The following ANKS1B variants were observed in gnomAD, a reference collection of about 807,000 sequenced individuals.
The protein encoded by ANKS1B is ankyrin repeat and sterile alpha motif domain-containing protein 1B.
Under a neutral mutation model 148.3 loss-of-function variants are expected in ANKS1B, and 36 were observed. That is an observed-to-expected ratio of 0.24 (90% CI 0.19 to 0.32). ANKS1B has a LOEUF of 0.32. Ranked by LOEUF, ANKS1B falls within the 10% of genes least tolerant of loss-of-function variation. ANKS1B has a pLI of 1.00. For missense variants in ANKS1B, 1,157 were observed against 1,542.6 expected (o/e 0.75, Z 4.19); for synonymous variants, 542 against 560.8 (o/e 0.97, Z 0.47).
At chr12:99,288,569 A>G (rs1186189127) in intron 12 of ANKS1B, among the ~76,000 whole-genome samples, 1 of 152,164 alleles carries the variant, frequency 6.6e-6, no homozygotes, top group East Asian at 1.9e-4. Context: ...TTGAGTAGGA[A>G]GACTAAAAGA....
chr12:98,844,473 T>C (rs182129863), intron 17 of ANKS1B, among the ~76,000 whole-genome samples: 118 of 152,340 alleles, frequency 7.7e-4, no homozygotes, highest in Non-Finnish European at 3.4e-4. Context: ...CATCAGCCAC[T>C]CTTCAAACTT....
intron 14 of ANKS1B, among the ~76,000 whole-genome samples, chr12:99,159,737 T>C (rs2076449890): frequency 1.3e-5 from 2 of 152,236 alleles, no homozygotes; most frequent in Admixed American, 1.3e-4. Flanking sequence ...TTCTTTTGGA[T>C]ATAGACCCAG....
At chr12:99,275,476 C>T (rs1180972671) in intron 12 of ANKS1B, among the ~76,000 whole-genome samples, 1 of 152,222 alleles carries the variant, frequency 6.6e-6, no homozygotes, top group African/African-American at 2.4e-5. Context: ...TTTCACTTAA[C>T]ATAACATCCT....
chr12:98,938,938 G>C (rs2153003029), intron 17 of ANKS1B, among the ~76,000 whole-genome samples: 1 of 152,328 alleles, frequency 6.6e-6, no homozygotes. Flanking sequence ...AATAAGTCAT[G>C]TTGAGTTTTA....
chr12:99,879,667 T>C (rs1312324657), intron 1 of ANKS1B, among the ~76,000 whole-genome samples: 1 of 152,194 alleles, frequency 6.6e-6, no homozygotes, highest in African/African-American at 2.4e-5. Flanking sequence ...AATTCTTCCA[T>C]ATGCTTTCAA....
chr12:99,575,854 T>A (rs1214485546), intron 9 of ANKS1B, among the ~76,000 whole-genome samples: 2 of 151,986 alleles, frequency 1.3e-5, no homozygotes, highest in African/African-American at 4.8e-5. Flanking sequence ...AAAGTCTACA[T>A]AACAACCAGG....
At chr12:98,901,037 G>A (rs1326030613) in intron 17 of ANKS1B, among the ~76,000 whole-genome samples, 1 of 151,784 alleles carries the variant, frequency 6.6e-6, no homozygotes, top group Non-Finnish European at 1.5e-5. Context: ...ATTTTTTTTA[G>A]TAATTAGTCA....
intron 1 of ANKS1B, among the ~76,000 whole-genome samples, chr12:99,966,480 G>A (rs938599930): frequency 1.2e-4 from 18 of 152,198 alleles, no homozygotes; most frequent in South Asian, 1.0e-3. Context: ...ACTCATGGTC[G>A]GATTTAGATC....
At chr12:99,213,540 T>C (rs1382185881) in intron 14 of ANKS1B, among the ~76,000 whole-genome samples, 1 of 152,128 alleles carries the variant, frequency 6.6e-6, no homozygotes, top group South Asian at 2.1e-4. Context: ...TTGAAGTACT[T>C]ACAAAGAAAG....
At chr12:99,954,851 G>C (rs2153826164) in intron 1 of ANKS1B, among the ~76,000 whole-genome samples, 1 of 152,174 alleles carries the variant, frequency 6.6e-6, no homozygotes, top group South Asian at 2.1e-4. Flanking sequence ...TACCAAGGTT[G>C]GGAAATCATG....
intron 12 of ANKS1B, among the ~76,000 whole-genome samples, chr12:99,304,782 G>C (rs1406474434): frequency 1.3e-5 from 2 of 151,962 alleles, no homozygotes. Context: ...ATATATTTTA[G>C]TAGTCCATTG....
chr12:99,632,727 C>CTATATATATATA (rs3081654), intron 9 of ANKS1B, among the ~76,000 whole-genome samples: 727 of 38,642 alleles, frequency 0.019, 30 homozygotes, highest in Non-Finnish European at 0.026. Flanking sequence ...CCTTTTCTTT[C>CTATATATATATA]TATATATATA....
chr12:98,846,025 C>CATATATATATAT (rs61065461), intron 17 of ANKS1B, among the ~76,000 whole-genome samples: 1 of 149,868 alleles, frequency 6.7e-6, no homozygotes, highest in Admixed American at 6.6e-5. Flanking sequence ...CACATACACA[C>CATATATATATAT]ATATATATAT....
chr12:99,225,377 G>A (rs2085748698), intron 14 of ANKS1B, among the ~76,000 whole-genome samples: 1 of 152,074 alleles, frequency 6.6e-6, no homozygotes, highest in African/African-American at 2.4e-5. Context: ...TCAAGTTGTA[G>A]TCTTAGTTGT....
At chr12:99,793,183 T>C (rs551559327) in intron 4 of ANKS1B, among the ~76,000 whole-genome samples, 3 of 151,978 alleles carry the variant, frequency 2.0e-5, no homozygotes, top group South Asian at 4.2e-4. Context: ...ATGAAAGAAA[T>C]TGAAGATGAC....
intron 12 of ANKS1B, among the ~76,000 whole-genome samples, chr12:99,368,289 T>C (rs1404572684): frequency 6.6e-6 from 1 of 152,096 alleles, no homozygotes; most frequent in Non-Finnish European, 1.5e-5. Flanking sequence ...GTTCACGACC[T>C]AGGTGACAGG....
In ANKS1B at chr12:99,827,522, T is replaced by C. The variant is rs140660075; in HGVS notation, c.135-2133A>G. 6.4e-4 allele frequency among the ~76,000 whole-genome samples: 97 copies of C among 152,176 alleles called. 1 individual carries two copies. Among genetic ancestry groups the C allele is most frequent in the Admixed American group, 2.0e-3 (31 of 15,278 alleles). On this transcript the variant is annotated intron_variant, in intron 1 of 26. Transcript: ENST00000683438. ...GTATACGGGATTTCAGCTACGTGAGTAGATTTTAGCTGCTCTTGCCACAAA... is the reference window on the plus strand; with the variant it reads ...GTATACGGGATTTCAGCTACGTGAGCAGATTTTAGCTGCTCTTGCCACAAA...
intron 15 of ANKS1B, among the ~76,000 whole-genome samples, chr12:99,150,411 G>A (rs975217792): frequency 1.2e-4 from 19 of 152,084 alleles, no homozygotes; most frequent in African/African-American, 4.1e-4. Context: ...TAACCACTGC[G>A]TGAGTTCAGG....
At chr12:98,816,254 C>T (rs1330442364) in intron 19 of ANKS1B, among the ~76,000 whole-genome samples, 1 of 152,140 alleles carries the variant, frequency 6.6e-6, no homozygotes, top group South Asian at 2.1e-4. Context: ...CTGTGCTTTC[C>T]ACTCTATAAA....
Sources: gnomAD v4.1 joint callset for allele counts (sites outside exome capture counted in the v4.1 genomes callset) on GRCh38, gnomAD v4.1.1 for gene constraint, MANE v1.5 for transcripts, NCBI Gene and HGNC (gene_info 2026-07-23, HGNC 2026-07-21) for gene names.